The following MICAL3 variants were observed in gnomAD, a reference collection of about 807,000 sequenced individuals.
MICAL3 encodes [F-actin]-monooxygenase MICAL3.
A neutral mutation model predicts 207.4 loss-of-function variants in MICAL3; 62 were observed. The observed-to-expected ratio is 0.30, with a 90% CI of 0.24 to 0.37. The LOEUF (loss-of-function observed/expected upper bound fraction) is 0.37, where lower values mean the gene tolerates loss of function less well. Ranked by LOEUF, MICAL3 falls within the 10% of genes least tolerant of loss-of-function variation. The probability of loss-of-function intolerance (pLI) is 1.00; values close to 1 mark genes in which losing one functional copy is unlikely to be tolerated. For synonymous variants in MICAL3, 1,077 were observed against 1,069.3 expected (o/e 1.01, Z -0.14); for missense variants, 2,368 against 2,635.6 (o/e 0.90, Z 2.22).
intron 16 of MICAL3, among the ~76,000 whole-genome samples, chr22:17,883,248 A>G (rs1929592725): frequency 6.6e-6 from 1 of 152,248 alleles, no homozygotes; most frequent in Non-Finnish European, 1.5e-5. Context: ...ACAGAGAAAG[A>G]ATGAATTCGC....
rs1242728875 is a variant in MICAL3, at chr22:17,793,397, C to CG, written c.5651-2097dup. Among the ~76,000 whole-genome samples the CG allele has an allele frequency of 1.3e-5, 2 of 152,158 alleles. No individual in the cohort carries two copies. The highest frequency in any genetic ancestry group is 2.9e-5 in the Non-Finnish European group (2 of 68,034). ...TCCCATCCAAATCGCTGCACGCAGG[C>CG]GGGAGGCTCCTCACCTGCATGCCTG... On this transcript the variant is annotated intron_variant, in intron 29 of 31. Coordinates refer to ENST00000441493, the MANE Select transcript of MICAL3 (RefSeq NM_015241.3). The surrounding 1 kb of genome is among the most constrained non-coding windows in gnomAD (Gnocchi z 4.1).
At chr22:17,951,313 C>T (rs1292352904) in intron 1 of MICAL3, among the ~76,000 whole-genome samples, 1 of 152,160 alleles carries the variant, frequency 6.6e-6, no homozygotes, top group Non-Finnish European at 1.5e-5. Context: ...CACAACCTCT[C>T]CACGTCCATC....
chr22:17,914,228 T>G (rs1932327352), intron 1 of MICAL3, among the ~76,000 whole-genome samples: 1 of 152,014 alleles, frequency 6.6e-6, no homozygotes, highest in African/African-American at 2.4e-5. Context: ...ACTCTTCCCC[T>G]CTCCACTCCA....
chr22:17,955,537 C>A (rs1379345915), intron 1 of MICAL3, among the ~76,000 whole-genome samples: 3 of 152,234 alleles, frequency 2.0e-5, no homozygotes. Context: ...AAGCAGACTG[C>A]ATCCAGAGAG....
Position 17,816,746 on chromosome 22 carries a change from A to G in MICAL3, c.5389T>C (p.Ser1797Pro). Residue 1797 changes from serine to proline, a missense_variant, in exon 27 of 32, where the codon TCA becomes CCA. By Grantham distance (74) the Ser-to-Pro change is moderately conservative (BLOSUM62 -1). Transcript: ENST00000441493. The stretch of plus-strand genomic sequence containing the variant: ...AGGACATCGTCGCTGGAGAGGTCTG[A>G]GTCCTCGGAGAAGCTCAGCTGGCGC... ...LRRQLSFSED[S>P]DLSSDDVLEK... is the part of the protein sequence containing the mutation. 6.4e-7 allele frequency: 1 copy of G among 1,551,934 alleles called. No homozygotes were observed. The highest frequency in any genetic ancestry group is 8.7e-7 in the Non-Finnish European group (1 of 1,147,512).
At chr22:17,906,124 G>T (rs151086159) in intron 2 of MICAL3, among the ~76,000 whole-genome samples, 9 of 152,168 alleles carry the variant, frequency 5.9e-5, no homozygotes, top group African/African-American at 2.2e-4. Flanking sequence ...ACCACGTGAG[G>T]TTCAAAAGAG....
intron 27 of MICAL3, 125 bp downstream of exon 27, chr22:17,816,565 G>C: frequency 1.3e-6 from 1 of 759,460 alleles, no homozygotes; most frequent in Non-Finnish European, 2.2e-6. Context: ...CAGTCAGCTG[G>C]CTATGCGCCA....
Position 17,822,143 on chromosome 22 carries a change from T to A in MICAL3, c.3335A>T (p.Asp1112Val), listed in dbSNP as rs1441894601. ...DDQHWSDSPS[D>V]ADRELRLPCP... The stretch of plus-strand genomic sequence containing the variant: ...CGGCAAACGCAGCTCTCTGTCAGCA[T>A]CCGACGGGCTGTCAGACCAGTGCTG... The change falls in exon 24 of 32, where the codon GAT becomes GTT. Residue 1112 changes from aspartate (D) to valine (V), a missense_variant. By Grantham distance (152) the Asp-to-Val change is radical. Coordinates refer to ENST00000441493, the MANE Select transcript of MICAL3 (RefSeq NM_015241.3). 1.2e-6 allele frequency: 2 copies of A among 1,613,808 alleles called. No homozygotes were observed. The highest frequency in any genetic ancestry group is 1.7e-6 in the Non-Finnish European group (2 of 1,179,876).
chr22:17,848,076 C>T (rs1028361242), intron 19 of MICAL3, among the ~76,000 whole-genome samples: 5 of 152,196 alleles, frequency 3.3e-5, no homozygotes, highest in South Asian at 2.1e-4. Context: ...TGAACCGCAA[C>T]GTCTCAGGGG....
chr22:18,023,995 A>T (rs1310932555), intron 1 of MICAL3, among the ~76,000 whole-genome samples: 1 of 152,218 alleles, frequency 6.6e-6, no homozygotes, highest in African/African-American at 2.4e-5. Flanking sequence ...GCTGGGAGAC[A>T]GCCCTGCTCT....
chr22:17,816,419 G>A (rs1220935532), intron 27 of MICAL3, among the ~76,000 whole-genome samples: 1 of 152,230 alleles, frequency 6.6e-6, no homozygotes, highest in African/African-American at 2.4e-5. Flanking sequence ...CTCCAGAGAA[G>A]GGGAGTGTGA....
intron 27 of MICAL3, 36 bp downstream of exon 27, chr22:17,816,654 C>T (rs1921026716): frequency 2.7e-6 from 4 of 1,484,406 alleles, no homozygotes; most frequent in South Asian, 1.2e-5. Flanking sequence ...CAGACAGGGC[C>T]CCAGGCCCTG....
intron 19 of MICAL3, among the ~76,000 whole-genome samples, chr22:17,845,762 G>A (rs1435541989): frequency 1.3e-5 from 2 of 152,128 alleles, no homozygotes; most frequent in African/African-American, 2.4e-5. Flanking sequence ...GCACATGTTC[G>A]CAACAGCCCT....
intron 1 of MICAL3, among the ~76,000 whole-genome samples, chr22:17,932,644 A>T (rs1007300195): frequency 1.3e-5 from 2 of 152,226 alleles, no homozygotes; most frequent in African/African-American, 4.8e-5. Context: ...CCTTAAATGT[A>T]AATGGGCTAA....
At chr22:17,877,121 G>A (rs371963406) in intron 16 of MICAL3, among the ~76,000 whole-genome samples, 68 of 107,870 alleles carry the variant, frequency 6.3e-4, no homozygotes, top group African/African-American at 7.6e-4. Context: ...AGGTTAGGGA[G>A]GTTATGGAGG....
intron 13 of MICAL3, among the ~76,000 whole-genome samples, chr22:17,888,054 C>T (rs909772594): frequency 6.6e-6 from 1 of 152,188 alleles, no homozygotes; most frequent in African/African-American, 2.4e-5. Flanking sequence ...TTAGTAACAA[C>T]AGCAATTTTT....
intron 1 of MICAL3, among the ~76,000 whole-genome samples, chr22:17,980,691 C>T (rs945986061): frequency 8.5e-5 from 13 of 152,238 alleles, no homozygotes; most frequent in African/African-American, 2.7e-4. Context: ...CAACCTACAA[C>T]GAGCAGCTGT....
chr22:17,916,041 G>A (rs578226089), intron 1 of MICAL3, among the ~76,000 whole-genome samples: 87 of 130,252 alleles, frequency 6.7e-4, no homozygotes, highest in Non-Finnish European at 9.7e-4. Context: ...TGGGGATGGA[G>A]CGAGATCCAG....
chr22:17,818,560 G>C lies in MICAL3; in HGVS notation c.4101C>G (p.Ser1367=), dbSNP rs755095755. 3 of 1,613,604 alleles carry C rather than the reference G, an allele frequency of 1.9e-6. No homozygotes were observed. Among genetic ancestry groups the C allele is most frequent in the Middle Eastern group, 1.6e-4 (1 of 6,062 alleles). The change falls in exon 26 of 32, where the codon TCC becomes TCG. Residue 1367 remains serine, a synonymous_variant. Coordinates refer to ENST00000441493, the MANE Select transcript of MICAL3 (RefSeq NM_015241.3). ...AFRPVSLKSY[S]VEKSPQDEGL... is the part of the protein sequence containing the mutation. The stretch of plus-strand genomic sequence containing the variant: ...CCTCATCCTGGGGGGACTTTTCAAC[G>C]GAATAGGATTTGAGGGACACTGGCC...
Sources: allele counts gnomAD v4.1 joint callset (sites outside exome capture counted in the v4.1 genomes callset), GRCh38; gene constraint gnomAD v4.1.1; non-coding constraint Gnocchi (gnomAD v3.1); transcripts MANE v1.5; gene names NCBI Gene and HGNC (gene_info 2026-07-23, HGNC 2026-07-21).